Variants in GNAI1 observed in about 807,000 individuals in gnomAD.
The protein encoded by GNAI1 is guanine nucleotide-binding protein G(i) subunit alpha-1.
GNAI1 carries 11 observed loss-of-function variants against 38.9 expected under a neutral mutation model. The observed-to-expected ratio is 0.28, with a 90% confidence interval of 0.18 to 0.47. GNAI1 has a LOEUF of 0.47. GNAI1 is among the 20% of genes least tolerant of loss of function. The pLI, the probability that GNAI1 is intolerant of heterozygous loss-of-function variation, is 0.99. For synonymous variants in GNAI1, 166 were observed against 145.1 expected, an observed-to-expected ratio of 1.14 and a Z score of -1.04; for missense variants, 317 against 436.9, an observed-to-expected ratio of 0.73 and a Z score of 2.45.
At chr7:80,149,923 G>C (rs1787694927) in intron 1 of GNAI1, among the ~76,000 whole-genome samples, 1 of 152,126 alleles carries the variant, frequency 6.6e-6, no homozygotes, top group African/African-American at 2.4e-5. Flanking sequence ...AGACAAGATT[G>C]ATTAATTCAC....
intron 1 of GNAI1, among the ~76,000 whole-genome samples, chr7:80,175,362 TTATG>T (rs1431137040): frequency 1.5e-5 from 2 of 136,896 alleles, no homozygotes; most frequent in Non-Finnish European, 3.3e-5. Context: ...ATGTGTATAT[TTATG>T]TGTGTGTGTG....
At chr7:80,178,122 C>T (rs1399080668) in intron 1 of GNAI1, among the ~76,000 whole-genome samples, 1 of 152,106 alleles carries the variant, frequency 6.6e-6, no homozygotes, top group Non-Finnish European at 1.5e-5. Context: ...GTGGAAATAA[C>T]AAGAGAACTA....
In GNAI1 at chr7:80,203,782, A is replaced by G; in HGVS notation, c.540A>G (p.Lys180=). The change falls in exon 5 of 8, where the codon AAA becomes AAG. Residue 180 remains lysine (K), a synonymous_variant. Transcript: ENST00000649796. ...TQQDVLRTRV[K]TTGIVETHFT... ...AAGATGTTCTCAGAACTAGAGTGAA[A>G]ACTACAGGAATTGTTGAAACCCATT... The G allele has an allele frequency of 1.3e-6, 2 of 1,587,482 alleles. No individual in the cohort carries two copies. Among genetic ancestry groups the G allele is most frequent in the Non-Finnish European group, 1.7e-6 (2 of 1,157,572 alleles).
chr7:80,155,628 TTTA>T (rs1205899699), intron 1 of GNAI1, among the ~76,000 whole-genome samples: 1 of 152,196 alleles, frequency 6.6e-6, no homozygotes, highest in Non-Finnish European at 1.5e-5. Context: ...GGCTGGTGCC[TTTA>T]TTATTGAAGA....
intron 1 of GNAI1, among the ~76,000 whole-genome samples, chr7:80,163,506 C>A: frequency 6.6e-6 from 1 of 152,198 alleles, no homozygotes; most frequent in East Asian, 1.9e-4. Flanking sequence ...ACTTACATAA[C>A]TACTTAGCTC....
At chr7:80,149,967 T>TG (rs919329748) in intron 1 of GNAI1, among the ~76,000 whole-genome samples, 1 of 152,098 alleles carries the variant, frequency 6.6e-6, no homozygotes, top group African/African-American at 2.4e-5. Flanking sequence ...CCTAACAAAG[T>TG]GGGACCAAAC....
rs1055708140 is a variant in GNAI1 at position 80,224,183 on chromosome 7, A to T, written c.*6690A>T. ...ATAAATATATAGAGAAAATGCATAC[A>T]TACATAATTTATTGAGTGCCTACTG... On this transcript the variant is annotated 3_prime_UTR_variant, in exon 8 of 8. Transcript: ENST00000649796. Among the ~76,000 whole-genome samples the T allele has an allele frequency of 2.0e-5, 3 of 152,236 alleles. No homozygotes were observed. The highest frequency in any genetic ancestry group is 4.4e-5 in the Non-Finnish European group (3 of 68,046).
At position 80,136,135 on chromosome 7, in the gene GNAI1, C is replaced by T. The variant is rs116040723; in HGVS notation, c.118+857C>T. The T allele has an allele frequency of 1.7e-4, 119 of 703,430 alleles. No homozygotes were observed. In the African/African-American group the frequency reaches 2.2e-3, roughly 13 times the overall value. The allele number at this position is 703,430 out of a possible 1,614,324, so 43.6% of individuals were successfully genotyped here. ...TGTTCGTGAAACGCTACGTGGAGGT[C>T]TTTTCCAAATGTTTGACGGGGAAGA... On this transcript the variant is annotated intron_variant, in intron 1 of 7. Coordinates refer to ENST00000649796, the MANE Select transcript of GNAI1 (RefSeq NM_002069.6).
chr7:80,213,853 TA>T lies in GNAI1; in HGVS notation c.874+988del, dbSNP rs71518975. Among the ~76,000 whole-genome samples the T allele has an allele frequency of 8.1e-3, 1,213 of 150,164 alleles. 13 individuals carry two copies. Among genetic ancestry groups the T allele is most frequent in the African/African-American group, 0.027 (1,097 of 41,252 alleles). ...ACCCCACTCTTCCTGTTTTTTTTTT[TA>T]AAAGTCTCAAGAATTTGTTTTTTTA... On this transcript the variant is annotated intron_variant, in intron 7 of 7. Transcript: ENST00000649796.
At position 80,223,106 on chromosome 7, in the gene GNAI1, T is replaced by G. The variant is rs541157319; in HGVS notation, c.*5613T>G. Among the ~76,000 whole-genome samples the G allele has an allele frequency of 6.6e-6, 1 of 152,318 alleles. No homozygotes were observed. Among genetic ancestry groups the G allele is most frequent in the Admixed American group, 6.5e-5 (1 of 15,308 alleles). On this transcript the variant is annotated 3_prime_UTR_variant, in exon 8 of 8. Transcript: ENST00000649796. ...GGTTTCTAACTGAATGCATACCAGT[T>G]TCGCACCAATGTAAAGTTGAAAAAT...
At position 80,217,459 on chromosome 7, in the gene GNAI1, TA is replaced by T; in HGVS notation, c.1037del (p.Asn346IlefsTer3). The T allele has an allele frequency of 6.2e-7, 1 of 1,601,612 alleles. No homozygotes were observed. Among genetic ancestry groups the T allele is most frequent in the Non-Finnish European group, 8.5e-7 (1 of 1,175,890 alleles). On this transcript the variant is annotated frameshift_variant, in exon 8 of 8. Coordinates refer to ENST00000649796, the MANE Select transcript of GNAI1 (RefSeq NM_002069.6). LOFTEE classifies it high-confidence loss of function. ...FVFDAVTDVI[I>X]KNNLKDCGLF Reference sequence around the variant, plus strand: ...TTTGATGCTGTAACAGATGTCATCATAAAAAATAATCTAAAAGATTGTGGTC... The same window carrying T: ...TTTGATGCTGTAACAGATGTCATCATAAAAATAATCTAAAAGATTGTGGTC...
chr7:80,176,143 G>A (rs1788178530), intron 1 of GNAI1, among the ~76,000 whole-genome samples: 1 of 152,222 alleles, frequency 6.6e-6, no homozygotes. Context: ...ACACACGAAT[G>A]ATAAAGTGAA....
In GNAI1 at chr7:80,199,318, G is replaced by A. The variant is rs759363974; in HGVS notation, c.397G>A (p.Asp133Asn). 6.2e-7 allele frequency: 1 copy of A among 1,613,246 alleles called. No individual in the cohort carries two copies. The highest frequency in any genetic ancestry group is 8.5e-7 in the Non-Finnish European group (1 of 1,179,336). The stretch of plus-strand genomic sequence containing the variant: ...TGGAGTTATAAAGAGATTGTGGAAA[G>A]ATAGTGGTGTACAAGCCTGTTTCAA... ...LAGVIKRLWKDSGVQACFNRS... is the reference protein window; with the variant it reads ...LAGVIKRLWKNSGVQACFNRS... Residue 133 changes from aspartate (D) to asparagine (N), a missense_variant, in exon 4 of 8, where the codon GAT (aspartate) becomes AAT (asparagine). By Grantham distance (23) the Asp-to-Asn change is conservative. Coordinates refer to ENST00000649796, the MANE Select transcript of GNAI1 (RefSeq NM_002069.6).
Position 80,217,940 on chromosome 7 carries a change from C to T in GNAI1, c.*447C>T, listed in dbSNP as rs2115729033. 1 of 152,566 alleles carries T rather than the reference C, an allele frequency of 6.6e-6. No homozygotes were observed. The highest frequency in any genetic ancestry group is 6.5e-5 in the Admixed American group (1 of 15,274). The allele number at this position is 152,566 out of a possible 1,614,324, so 9.5% of individuals were successfully genotyped here. A position where few individuals can be genotyped will look rare whatever the true frequency, so the allele number is the denominator to read the frequency against. ...TAAACAGCTTTATTTATGTTCATGT[C>T]CTGTAAATTTTTAAGTACAGTAATT... On this transcript the variant is annotated 3_prime_UTR_variant, in exon 8 of 8. Coordinates refer to ENST00000649796, the MANE Select transcript of GNAI1 (RefSeq NM_002069.6).
At chr7:80,216,895 C>T (rs1223288360) in intron 7 of GNAI1, among the ~76,000 whole-genome samples, 1 of 152,020 alleles carries the variant, frequency 6.6e-6, no homozygotes, top group African/African-American at 2.4e-5. Context: ...GGAAAAAATA[C>T]TGATCAGCAT....
At position 80,164,193 on chromosome 7, in the gene GNAI1, C is replaced by T. The variant is rs575514274; in HGVS notation, c.119-24758C>T. Among the ~76,000 whole-genome samples, 44 of 150,744 alleles carry T rather than the reference C, an allele frequency of 2.9e-4. No homozygotes were observed. The Middle Eastern group carries it at 0.01, about 35-fold the overall frequency. ...CCAAGTAGCTGGGACTACAGGTGTGCGCCACCACATCCAGCTAATTTTTGT... is the reference window on the plus strand; with the variant it reads ...CCAAGTAGCTGGGACTACAGGTGTGTGCCACCACATCCAGCTAATTTTTGT... On this transcript the variant is annotated intron_variant, in intron 1 of 7. Coordinates refer to ENST00000649796, the MANE Select transcript of GNAI1 (RefSeq NM_002069.6).
rs1384388891 is a variant in GNAI1 at position 80,217,390 on chromosome 7, C to T, written c.962C>T (p.Thr321Ile). ...AGAAAGGACACAAAGGAAATATACACCCACTTCACATGTGCCACAGATACT... is the reference window on the plus strand; with the variant it reads ...AGAAAGGACACAAAGGAAATATACATCCACTTCACATGTGCCACAGATACT... ...NKRKDTKEIYTHFTCATDTKN... is the reference protein window; with the variant it reads ...NKRKDTKEIYIHFTCATDTKN... The change falls in exon 8 of 8, where the codon ACC becomes ATC. Residue 321 changes from threonine (T) to isoleucine (I), a missense_variant. Around this residue, in one of 5 missense-constraint regions of GNAI1, gnomAD observed 158 missense variants for 234.7 expected, o/e 0.67. Transcript: ENST00000649796. 6.2e-7 allele frequency: 1 copy of T among 1,603,486 alleles called. No homozygotes were observed. Among genetic ancestry groups the T allele is most frequent in the Non-Finnish European group, 8.5e-7 (1 of 1,171,970 alleles).
At chr7:80,188,193 C>T (rs929430456) in intron 1 of GNAI1, among the ~76,000 whole-genome samples, 2 of 152,204 alleles carry the variant, frequency 1.3e-5, no homozygotes, top group Non-Finnish European at 2.9e-5. Context: ...TGAGACATAG[C>T]TGTTTGAACA....
Position 80,203,693 on chromosome 7 carries a change from A to AT in GNAI1, c.462-4dup. The AT allele has an allele frequency of 4.5e-6, 7 of 1,553,162 alleles. No homozygotes were observed. The highest frequency in any genetic ancestry group is 6.2e-6 in the Non-Finnish European group (7 of 1,137,574). ...TACCATTAACATGTTGTTTTGTTTA[A>AT]TTTTTTTCAGCTATTTGAATGACTT... On this transcript the variant is annotated splice_polypyrimidine_tract_variant and intron_variant, in intron 4 of 7. Coordinates refer to ENST00000649796, the MANE Select transcript of GNAI1 (RefSeq NM_002069.6).
Sources: allele counts gnomAD v4.1 joint callset (sites outside exome capture counted in the v4.1 genomes callset), GRCh38; gene constraint gnomAD v4.1.1; regional missense constraint gnomAD v4.1.1; transcripts MANE v1.5; gene names NCBI Gene and HGNC (gene_info 2026-07-23, HGNC 2026-07-21).